Variants in ZNF543 observed in about 807,000 individuals in gnomAD.
ZNF543 encodes zinc finger protein 543.
Under a neutral mutation model 13.4 loss-of-function variants are expected in ZNF543, and 10 were observed. That is an observed-to-expected ratio of 0.75 (90% CI 0.46 to 1.26). The LOEUF is 1.26. Ranked by LOEUF, ZNF543 falls within the 50% of genes most tolerant of loss-of-function variation. ZNF543 has a pLI of 0.00. For synonymous variants in ZNF543, 272 were observed against 264.7 expected (o/e 1.03, Z -0.27); for missense variants, 768 against 741.2 (o/e 1.04, Z -0.42).
In ZNF543 at chr19:57,328,629, C is replaced by T; in HGVS notation, c.1167C>T (p.His389=). 1 of 1,613,866 alleles carries T rather than the reference C, an allele frequency of 6.2e-7. No individual in the cohort carries two copies. Residue 389 remains histidine, a synonymous_variant, in exon 4 of 4, where the codon CAC becomes CAT. Transcript: ENST00000321545. ...SADLIQHYII[H]TGEKPYKCME... ...ACCTCATTCAACACTACATTATCCA[C>T]ACTGGGGAGAAGCCCTATAAGTGCA...
Position 57,327,973 on chromosome 19 carries a change from C to G in ZNF543, c.511C>G (p.Gln171Glu). Residue 171 changes from glutamine (Q) to glutamate (E), a missense_variant, in exon 4 of 4, where the codon CAA becomes GAA. By Grantham distance (29) the Gln-to-Glu change is conservative. Transcript: ENST00000321545. ...TGTATGTACAAAGATTACACAGAAACAAGTTTCAACAGAAGGTGATCTCTA... is the reference window on the plus strand; with the variant it reads ...TGTATGTACAAAGATTACACAGAAAGAAGTTTCAACAGAAGGTGATCTCTA... The part of the protein sequence containing the change: ...DGVCTKITQK[Q>E]VSTEGDLYEC... The G allele has an allele frequency of 1.2e-6, 2 of 1,614,146 alleles. No individual in the cohort carries two copies. The highest frequency in any genetic ancestry group is 1.7e-6 in the Non-Finnish European group (2 of 1,180,042).
intron 2 of ZNF543, 75 bp from the exon 3 acceptor site, chr19:57,326,558 C>A (rs8110400): frequency 0.51 from 555,936 of 1,091,772 alleles, 144,874 homozygotes; most frequent in African/African-American, 0.54. Flanking sequence ...CCCCATCCTG[C>A]AGTCCCAGAT....
In ZNF543 at chr19:57,326,714, A is replaced by T. The variant is rs2088123107; in HGVS notation, c.227A>T (p.Gln76Leu). 6.2e-7 allele frequency: 1 copy of T among 1,613,592 alleles called. No individual in the cohort carries two copies. The highest frequency in any genetic ancestry group is 1.3e-5 in the African/African-American group (1 of 74,916). ...TGGATGGCTACAAAAGACCTCTCCC[A>T]AAGCTCCTATCCAGGTAGGAGCCAA... is the stretch of plus-strand genomic sequence containing the variant. ...ELWMATKDLS[Q>L]SSYPGDNTKP... The change falls in exon 3 of 4, where the codon CAA (glutamine) becomes CTA (leucine). Residue 76 changes from glutamine to leucine, a missense_variant. Around this residue, in one of 3 missense-constraint regions of ZNF543, gnomAD observed 14 missense variants for 34.3 expected, o/e 0.41. Coordinates refer to ENST00000321545, the MANE Select transcript of ZNF543 (RefSeq NM_213598.4).
intron 2 of ZNF543, among the ~76,000 whole-genome samples, chr19:57,326,192 C>CT (rs2088119344): frequency 6.6e-6 from 1 of 152,040 alleles, no homozygotes. Context: ...TTTTTTTTCT[C>CT]TTTTTTTGAG....
At position 57,328,782 on chromosome 19, in the gene ZNF543, G is replaced by T; in HGVS notation, c.1320G>T (p.Leu440Phe). Residue 440 changes from leucine (L) to phenylalanine (F), a missense_variant, in exon 4 of 4, where the codon TTG becomes TTT. Physicochemically the swap from Leu to Phe is conservative, Grantham distance 22. Transcript: ENST00000321545. ...KAFTHCSTFV[L>F]HKRTHTGEKP... Reference sequence around the variant, plus strand: ...TCACCCACTGCTCCACTTTTGTCTTGCATAAAAGGACCCACACAGGAGAAA... The same window carrying T: ...TCACCCACTGCTCCACTTTTGTCTTTCATAAAAGGACCCACACAGGAGAAA... The T allele has an allele frequency of 6.2e-7, 1 of 1,613,990 alleles. No individual in the cohort carries two copies. Among genetic ancestry groups the T allele is most frequent in the East Asian group, 2.2e-5 (1 of 44,866 alleles).
At position 57,321,770 on chromosome 19, in the gene ZNF543, A is replaced by C. The variant is rs543672592; in HGVS notation, c.18+899A>C. ...TGTTTTTACCCTCTTCTTTGCCCGC[A>C]ATGGTTAGGGAGGCCTGGGGGTGAC... On this transcript the variant is annotated intron_variant, in intron 1 of 3. Transcript: ENST00000321545. 5.9e-5 allele frequency among the ~76,000 whole-genome samples: 9 copies of C among 152,180 alleles called. No individual in the cohort carries two copies. The East Asian group carries it at 1.7e-3, about 29-fold the overall frequency.
intron 2 of ZNF543, among the ~76,000 whole-genome samples, chr19:57,326,209 C>T (rs1463483308): frequency 1.3e-5 from 2 of 152,096 alleles, no homozygotes; most frequent in African/African-American, 2.4e-5. Flanking sequence ...TGAGACGGAG[C>T]TTCGCTCTTG....
chr19:57,326,827 C>G, intron 3 of ZNF543, 99 bp downstream of exon 3: 1 of 952,924 alleles, frequency 1.0e-6, no homozygotes, highest in Non-Finnish European at 1.6e-6. Flanking sequence ...TTATTGTGGT[C>G]TCTCTGGGTG....
rs780270764 is a variant in ZNF543 at position 57,327,696 on chromosome 19, C to A, written c.242-8C>A. On this transcript the variant is annotated splice_region_variant and splice_polypyrimidine_tract_variant and intron_variant, in intron 3 of 3. Coordinates refer to ENST00000321545, the MANE Select transcript of ZNF543 (RefSeq NM_213598.4). ...AATAAGCCTTTTTGTGTATTGTGTT[C>A]GTTCCAGGTGACAACACAAAACCCA... 6.3e-7 allele frequency: 1 copy of A among 1,587,666 alleles called. No individual in the cohort carries two copies. The highest frequency in any genetic ancestry group is 1.4e-5 in the African/African-American group (1 of 73,036).
intron 2 of ZNF543, among the ~76,000 whole-genome samples, chr19:57,326,042 C>T (rs1392326475): frequency 1.3e-5 from 2 of 152,152 alleles, no homozygotes; most frequent in Non-Finnish European, 2.9e-5. Context: ...TTTTCTACTG[C>T]CATGGGGACT....
intron 2 of ZNF543, among the ~76,000 whole-genome samples, chr19:57,326,253 G>A (rs2088119866): frequency 6.6e-6 from 1 of 152,156 alleles, no homozygotes; most frequent in Non-Finnish European, 1.5e-5. Flanking sequence ...CATGATCTCG[G>A]TTCACTACAA....
chr19:57,323,260 C>T (rs1027214775), intron 1 of ZNF543, among the ~76,000 whole-genome samples: 4 of 150,584 alleles, frequency 2.7e-5, no homozygotes, highest in African/African-American at 9.8e-5. Flanking sequence ...GGCACGATCT[C>T]GGCTCACTGC....
In ZNF543 at chr19:57,330,436, C is replaced by G. The variant is rs1214550937; in HGVS notation, c.*1171C>G. On this transcript the variant is annotated 3_prime_UTR_variant, in exon 4 of 4. Transcript: ENST00000321545. ...TTCTAAAGGTCAAATTAAGGCCCCC[C>G]CAAAAATACAGTATGTAGCTGAATT... The G allele has an allele frequency of 6.6e-6, 1 of 151,916 alleles. No individual in the cohort carries two copies. Among genetic ancestry groups the G allele is most frequent in the Non-Finnish European group, 1.5e-5 (1 of 67,986 alleles). 9.4% of individuals were successfully genotyped at this position (151,916 alleles called of 1,614,324 possible). A position where few individuals can be genotyped will look rare whatever the true frequency, so the allele number is the denominator to read the frequency against.
At chr19:57,324,519 AATC>A (rs1219799737) in intron 2 of ZNF543, among the ~76,000 whole-genome samples, 1 of 152,208 alleles carries the variant, frequency 6.6e-6, no homozygotes, top group East Asian at 1.9e-4. Context: ...TTGTCCTCAT[AATC>A]AGCAGTATCA....
At chr19:57,321,997 T>A (rs1293165416) in intron 1 of ZNF543, among the ~76,000 whole-genome samples, 1 of 152,188 alleles carries the variant, frequency 6.6e-6, no homozygotes, top group Admixed American at 6.5e-5. Context: ...CTGACACATG[T>A]CTTGGGACAC....
chr19:57,323,302 C>G (rs1215226954), intron 1 of ZNF543, among the ~76,000 whole-genome samples: 1 of 152,012 alleles, frequency 6.6e-6, no homozygotes, highest in Non-Finnish European at 1.5e-5. Context: ...CGCCATTCTC[C>G]TGCCTCAGCC....
rs142530162 is a variant in ZNF543 at position 57,327,952 on chromosome 19, T to C, written c.490T>C (p.Cys164Arg). 5.0e-6 allele frequency: 8 copies of C among 1,614,174 alleles called. No individual in the cohort carries two copies. In the East Asian group the frequency reaches 1.1e-4, roughly 22 times the overall value. The stretch of plus-strand genomic sequence containing the variant: ...TGGTTTGGGGTCAGATGATGGTGTA[T>C]GTACAAAGATTACACAGAAACAAGT... ...RDGLGSDDGV[C>R]TKITQKQVST... Residue 164 changes from cysteine to arginine, a missense_variant, in exon 4 of 4, where the codon TGT becomes CGT. Transcript: ENST00000321545.
At chr19:57,326,572 A>C (rs896005881) in intron 2 of ZNF543, 61 bp from the exon 3 acceptor site, 7 of 1,315,564 alleles carry the variant, frequency 5.3e-6, no homozygotes, top group Non-Finnish European at 6.6e-6. Flanking sequence ...CCCAGATCAG[A>C]TTGACAGGTT....
chr19:57,321,632 C>T (rs1198559770), intron 1 of ZNF543, among the ~76,000 whole-genome samples: 1 of 152,220 alleles, frequency 6.6e-6, no homozygotes, highest in Non-Finnish European at 1.5e-5. Flanking sequence ...CTTGTCCTCA[C>T]TGTTTTACAC....
Sources: gnomAD v4.1 joint callset for allele counts (sites outside exome capture counted in the v4.1 genomes callset) on GRCh38, gnomAD v4.1.1 for gene constraint, gnomAD v4.1.1 regional missense constraint, MANE v1.5 for transcripts, NCBI Gene and HGNC (gene_info 2026-07-23, HGNC 2026-07-21) for gene names.